Variants in TRHDE observed in about 807,000 individuals in gnomAD.
TRHDE encodes the protein thyrotropin releasing hormone degrading enzyme, also known as thyrotropin-releasing hormone-degrading ectoenzyme.
Under a neutral mutation model 125.7 loss-of-function variants are expected in TRHDE, and 72 were observed. The ratio of observed to expected loss-of-function variants is 0.57; its 90% CI spans 0.47 to 0.70. TRHDE has a LOEUF of 0.70. Among genes scored for constraint, TRHDE ranks in the 30% least tolerant of loss-of-function variants. TRHDE has a pLI of 0.00. For synonymous variants in TRHDE, 509 were observed against 509.1 expected, an observed-to-expected ratio of 1.00 and a Z score of 0.00; for missense variants, 1,110 against 1,327.1, an observed-to-expected ratio of 0.84 and a Z score of 2.54.
intron 2 of TRHDE, among the ~76,000 whole-genome samples, chr12:72,354,132 T>C (rs1870709148): frequency 6.6e-6 from 1 of 151,434 alleles, no homozygotes; most frequent in African/African-American, 2.4e-5. Flanking sequence ...AGAAATGTGA[T>C]AGATCTCAAA....
At chr12:72,481,321 A>G (rs563519311) in intron 5 of TRHDE, among the ~76,000 whole-genome samples, 1 of 149,296 alleles carries the variant, frequency 6.7e-6, no homozygotes, top group South Asian at 2.1e-4. Context: ...AAGTGATAGA[A>G]TAAAAAAAAA....
chr12:72,230,280 G>A (rs1878221661), intron 2 of TRHDE, among the ~76,000 whole-genome samples: 1 of 152,122 alleles, frequency 6.6e-6, no homozygotes, highest in South Asian at 2.1e-4. Flanking sequence ...GATACCACCA[G>A]CACAGTGCTT....
At chr12:72,655,609 C>A (rs1380608794) in intron 17 of TRHDE, among the ~76,000 whole-genome samples, 3 of 152,098 alleles carry the variant, frequency 2.0e-5, no homozygotes, top group Middle Eastern at 3.2e-3. Flanking sequence ...CATTTAGCCA[C>A]AATACGTGGA....
chr12:72,652,484 AAAC>A lies in TRHDE; in HGVS notation c.2840_2842del (p.Asn947del), dbSNP rs772858819. ...CTTGCAGTGATGACAGGAATTTATT[AAAC>A]AGGTAGGCCGACTGATTTTCTAAAT... On this transcript the variant is annotated inframe_deletion and splice_region_variant, in exon 16 of 19. Coordinates refer to ENST00000261180, the MANE Select transcript of TRHDE (RefSeq NM_013381.3). 1.2e-6 allele frequency: 2 copies of A among 1,604,180 alleles called. No individual in the cohort carries two copies. The highest frequency in any genetic ancestry group is 1.7e-6 in the Non-Finnish European group (2 of 1,174,680).
At chr12:72,155,656 A>G (rs564494561) in intron 2 of TRHDE, among the ~76,000 whole-genome samples, 6 of 152,056 alleles carry the variant, frequency 3.9e-5, no homozygotes, top group Non-Finnish European at 8.8e-5. Flanking sequence ...CTGGAAGTCC[A>G]CTCCAGACCC....
chr12:72,225,101 AATAAT>A (rs1878098878), intron 2 of TRHDE, among the ~76,000 whole-genome samples: 1 of 152,174 alleles, frequency 6.6e-6, no homozygotes, highest in Non-Finnish European at 1.5e-5. Context: ...CCTGGCAAAT[AATAAT>A]ATAATAGTAT....
intron 2 of TRHDE, among the ~76,000 whole-genome samples, chr12:72,313,198 C>T (rs550706500): frequency 1.1e-4 from 16 of 151,996 alleles, no homozygotes; most frequent in South Asian, 2.1e-4. Context: ...CTAGTTTCAG[C>T]GTATTGATGG....
At chr12:72,382,638 G>A (rs1200991767) in intron 3 of TRHDE, among the ~76,000 whole-genome samples, 1 of 152,130 alleles carries the variant, frequency 6.6e-6, no homozygotes, top group Non-Finnish European at 1.5e-5. Context: ...TCTACCAGTT[G>A]GCCTGACCTG....
chr12:72,213,188 G>A (rs577671203), intron 2 of TRHDE, among the ~76,000 whole-genome samples: 1 of 152,198 alleles, frequency 6.6e-6, no homozygotes, highest in Admixed American at 6.5e-5. Context: ...TTGAGATGAG[G>A]GTGGGGGAGT....
At chr12:72,550,485 T>A (rs1027926534) in intron 7 of TRHDE, among the ~76,000 whole-genome samples, 1 of 151,986 alleles carries the variant, frequency 6.6e-6, no homozygotes, top group African/African-American at 2.4e-5. Flanking sequence ...AGCCTAGAAC[T>A]ATATATTTGG....
rs2136122712 is a variant in TRHDE, at chr12:72,669,359, GCTGTGTGAAGATA to G, written c.*6166_*6178del. The G allele has an allele frequency of 6.6e-6, 1 of 151,906 alleles. No individual in the cohort carries two copies. Among genetic ancestry groups the G allele is most frequent in the East Asian group, 1.9e-4 (1 of 5,138 alleles). 9.4% of individuals were successfully genotyped at this position (151,906 alleles called of 1,614,324 possible). ...TAAACTTAACATTTTCAATGGGTTT[GCTGTGTGAAGATA>G]CAGTCTAAGATAAGTGCTTTGACTT... On this transcript the variant is annotated 3_prime_UTR_variant, in exon 19 of 19. Coordinates refer to ENST00000261180, the MANE Select transcript of TRHDE (RefSeq NM_013381.3).
intron 2 of TRHDE, among the ~76,000 whole-genome samples, chr12:72,237,832 C>T (rs1354976904): frequency 6.6e-6 from 1 of 152,078 alleles, no homozygotes; most frequent in Non-Finnish European, 1.5e-5. Context: ...GACTCTTAGG[C>T]AAACCAGGAT....
intron 12 of TRHDE, among the ~76,000 whole-genome samples, chr12:72,575,855 CT>C (rs1218062615): frequency 1.3e-5 from 2 of 152,084 alleles, no homozygotes; most frequent in East Asian, 3.8e-4. Context: ...TATTTAAGTT[CT>C]GATAGAAATT....
chr12:72,544,938 T>G (rs1046409645), intron 7 of TRHDE, among the ~76,000 whole-genome samples: 2 of 151,460 alleles, frequency 1.3e-5, no homozygotes, highest in African/African-American at 4.8e-5. Flanking sequence ...TAAACATATA[T>G]TTTTCAGCAG....
intron 12 of TRHDE, among the ~76,000 whole-genome samples, chr12:72,618,135 A>G (rs460406): frequency 0.57 from 86,067 of 151,976 alleles, 29,095 homozygotes; most frequent in Non-Finnish European, 0.75. Context: ...AAAAAGAGAT[A>G]TATAGTTCTT....
chr12:72,248,417 C>CAAAAAA (rs34434650), intron 2 of TRHDE, among the ~76,000 whole-genome samples: 5 of 55,772 alleles, frequency 9.0e-5, no homozygotes, highest in Non-Finnish European at 1.6e-4. Flanking sequence ...GACTCTGTCT[C>CAAAAAA]AAAAAAAAAA....
intron 2 of TRHDE, among the ~76,000 whole-genome samples, chr12:72,137,911 G>A (rs1344768154): frequency 6.6e-6 from 1 of 152,174 alleles, no homozygotes; most frequent in Non-Finnish European, 1.5e-5. Context: ...AAAGAAGCGT[G>A]ACATATAGTT....
intron 12 of TRHDE, among the ~76,000 whole-genome samples, chr12:72,600,142 T>G (rs1376246887): frequency 2.0e-5 from 3 of 151,992 alleles, no homozygotes; most frequent in Non-Finnish European, 4.4e-5. Context: ...TTTGGCTTAC[T>G]TACTTAGATT....
At chr12:72,492,546 AT>A (rs901472413) in intron 5 of TRHDE, among the ~76,000 whole-genome samples, 29 of 151,938 alleles carry the variant, frequency 1.9e-4, no homozygotes, top group Non-Finnish European at 4.1e-4. Context: ...TCTGATGGAT[AT>A]TTTCCCCCAA....
Sources: gnomAD v4.1 joint callset for allele counts (sites outside exome capture counted in the v4.1 genomes callset) on GRCh38, gnomAD v4.1.1 for gene constraint, MANE v1.5 for transcripts, NCBI Gene and HGNC (gene_info 2026-07-23, HGNC 2026-07-21) for gene names.